The following MEGF11 variants were observed in gnomAD, a reference collection of about 807,000 sequenced individuals.
The protein encoded by MEGF11 is multiple epidermal growth factor-like domains protein 11.
In MEGF11, 126 loss-of-function variants were observed where a neutral mutation model predicts 146.6. The ratio of observed to expected loss-of-function variants is 0.86; its 90% confidence interval spans 0.74 to 1.00. The LOEUF (loss-of-function observed/expected upper bound fraction) is 1.00, where lower values mean the gene tolerates loss of function less well. MEGF11 is among the 50% of genes least tolerant of loss of function. The probability of loss-of-function intolerance (pLI) is 0.00; values close to 1 mark genes in which losing one functional copy is unlikely to be tolerated. For missense variants in MEGF11, 1,509 were observed against 1,521.2 expected (o/e 0.99, Z 0.13); for synonymous variants, 532 against 583.4 (o/e 0.91, Z 1.27).
At position 66,053,739 on chromosome 15, in the gene MEGF11, T is replaced by A. The variant is rs868252608; in HGVS notation, c.394+40663A>T. 8.3e-3 allele frequency among the ~76,000 whole-genome samples: 1,174 copies of A among 141,590 alleles called. 7 individuals carry two copies. Among genetic ancestry groups the A allele is most frequent in the African/African-American group, 0.03 (1,094 of 36,820 alleles). The allele number at this position is 141,590 out of a possible 152,430, so 92.9% of individuals were successfully genotyped here. On this transcript the variant is annotated intron_variant, in intron 5 of 25. Coordinates refer to ENST00000395614, the MANE Select transcript of MEGF11 (RefSeq NM_001385028.1). ...AATTTTTTTTTTTTTTTTTTTTTTT[T>A]TTTTTTGAGACAAGGTCTCACTCTG...
chr15:66,120,718 C>T (rs1597103236), intron 3 of MEGF11, among the ~76,000 whole-genome samples: 1 of 152,336 alleles, frequency 6.6e-6, no homozygotes, highest in South Asian at 2.1e-4. Flanking sequence ...AGCTACTTCC[C>T]TAGCACAGAA....
At chr15:66,066,935 G>A (rs757600359) in intron 5 of MEGF11, among the ~76,000 whole-genome samples, 44 of 152,200 alleles carry the variant, frequency 2.9e-4, no homozygotes, top group Admixed American at 2.6e-4. Flanking sequence ...ATTGATTCCA[G>A]TTCTCCTCCG....
At chr15:65,934,091 G>A (rs976186996) in intron 10 of MEGF11, among the ~76,000 whole-genome samples, 3 of 152,172 alleles carry the variant, frequency 2.0e-5, no homozygotes, top group African/African-American at 7.2e-5. Flanking sequence ...CTACAGGTAT[G>A]GTCTTGGAGG....
chr15:65,909,739 C>T lies in MEGF11; in HGVS notation c.2896+1G>A, dbSNP rs1484881474. The T allele has an allele frequency of 6.3e-7, 1 of 1,574,814 alleles. No homozygotes were observed. The highest frequency in any genetic ancestry group is 2.3e-5 in the East Asian group (1 of 43,550). On this transcript the variant is annotated splice_donor_variant, in intron 22 of 25. Coordinates refer to ENST00000395614, the MANE Select transcript of MEGF11 (RefSeq NM_001385028.1). LOFTEE classifies it high-confidence loss of function. ...GGGACCAGACTCACACCACTACTGA[C>T]CTAACACGTTCACATAGCTGTAGGG...
intron 1 of MEGF11, among the ~76,000 whole-genome samples, chr15:66,224,966 C>T (rs533361453): frequency 1.3e-5 from 2 of 152,224 alleles, no homozygotes; most frequent in East Asian, 3.9e-4. Flanking sequence ...AGCCCAAGCA[C>T]GCCAGCCCCT....
Position 66,113,274 on chromosome 15 carries a change from G to A in MEGF11, c.301+5812C>T, listed in dbSNP as rs548939133. On this transcript the variant is annotated intron_variant, in intron 4 of 25. Transcript: ENST00000395614. ...ACAACCTATGCTCCCCAAGCCAGCC[G>A]GGCCCATCAGCTGCATACGTGCCTG... 1.2e-4 allele frequency among the ~76,000 whole-genome samples: 18 copies of A among 152,208 alleles called. No individual in the cohort carries two copies. In the South Asian group the frequency reaches 3.5e-3, roughly 30 times the overall value.
intron 5 of MEGF11, among the ~76,000 whole-genome samples, chr15:65,992,481 C>T (rs116619160): frequency 1.9e-3 from 281 of 150,432 alleles, no homozygotes; most frequent in African/African-American, 6.6e-3. Context: ...TCCTGAGGCA[C>T]TATCAGCCAT....
chr15:66,128,237 C>A, intron 2 of MEGF11, 69 bp downstream of exon 2: 1 of 1,056,630 alleles, frequency 9.5e-7, no homozygotes, highest in Non-Finnish European at 1.3e-6. Flanking sequence ...CTGACTGCCT[C>A]TGTCCCCTAC....
intron 15 of MEGF11, among the ~76,000 whole-genome samples, chr15:65,919,251 T>A (rs1374766318): frequency 6.6e-6 from 1 of 152,198 alleles, no homozygotes; most frequent in African/African-American, 2.4e-5. Context: ...GTCCAAAGCC[T>A]TGGATTTAGG....
intron 1 of MEGF11, among the ~76,000 whole-genome samples, chr15:66,248,231 C>T (rs528738818): frequency 2.6e-4 from 40 of 152,246 alleles, no homozygotes; most frequent in South Asian, 1.7e-3. Flanking sequence ...GAAAAGCATC[C>T]GGATCTTTCA....
At chr15:65,927,863 C>T (rs188468964) in intron 13 of MEGF11, among the ~76,000 whole-genome samples, 1 of 152,224 alleles carries the variant, frequency 6.6e-6, no homozygotes, top group African/African-American at 2.4e-5. Flanking sequence ...ATGTAAGAGT[C>T]GTGGGAAGCC....
intron 1 of MEGF11, among the ~76,000 whole-genome samples, chr15:66,133,782 T>TAA (rs769724585): frequency 6.6e-6 from 1 of 150,980 alleles, no homozygotes; most frequent in Admixed American, 6.6e-5. Context: ...TTCCTGTACT[T>TAA]AAAAAAAAAG....
At position 65,930,690 on chromosome 15, in the gene MEGF11, C is replaced by G. The variant is rs993720541; in HGVS notation, c.1408+133G>C. The G allele has an allele frequency of 1.7e-5, 20 of 1,149,780 alleles. No individual in the cohort carries two copies. In the East Asian group the frequency reaches 5.3e-4, roughly 31 times the overall value. 71.2% of individuals were successfully genotyped at this position (1,149,780 alleles called of 1,614,324 possible). A position where few individuals can be genotyped will look rare whatever the true frequency, so the allele number is the denominator to read the frequency against. ...TGGGTTTTCTTGCCTGGAACCCAACCAATATAGGCTCCCTGACCTTGCATG... is the reference window on the plus strand; with the variant it reads ...TGGGTTTTCTTGCCTGGAACCCAACGAATATAGGCTCCCTGACCTTGCATG... On this transcript the variant is annotated intron_variant, in intron 11 of 25. Transcript: ENST00000395614.
At chr15:65,951,980 C>T (rs1173836436) in intron 10 of MEGF11, among the ~76,000 whole-genome samples, 1 of 151,876 alleles carries the variant, frequency 6.6e-6, no homozygotes, top group Non-Finnish European at 1.5e-5. Flanking sequence ...ACAGCCTGGG[C>T]AATAGAACGA....
intron 5 of MEGF11, among the ~76,000 whole-genome samples, chr15:66,066,986 T>C (rs891602572): frequency 6.6e-6 from 1 of 152,230 alleles, no homozygotes; most frequent in African/African-American, 2.4e-5. Context: ...CTAATCTGCC[T>C]GCGCCCAGCT....
At chr15:66,246,584 C>T (rs1400297315) in intron 1 of MEGF11, among the ~76,000 whole-genome samples, 4 of 151,964 alleles carry the variant, frequency 2.6e-5, no homozygotes, top group African/African-American at 4.8e-5. Flanking sequence ...GGGTGCATTG[C>T]TTGAGCCCAG....
At chr15:66,037,286 C>T (rs1254418101) in intron 5 of MEGF11, among the ~76,000 whole-genome samples, 1 of 152,212 alleles carries the variant, frequency 6.6e-6, no homozygotes, top group African/African-American at 2.4e-5. Flanking sequence ...TACCATGAGT[C>T]AATGAACCAA....
chr15:66,116,216 G>C (rs2087722391), intron 4 of MEGF11, among the ~76,000 whole-genome samples: 1 of 152,186 alleles, frequency 6.6e-6, no homozygotes, highest in Non-Finnish European at 1.5e-5. Context: ...TGCCGCGCTT[G>C]ACTGTCTCTG....
intron 1 of MEGF11, among the ~76,000 whole-genome samples, chr15:66,183,826 G>A (rs769324911): frequency 7.9e-5 from 12 of 152,144 alleles, no homozygotes; most frequent in Non-Finnish European, 1.6e-4. Context: ...TGCAGATGCC[G>A]CAGTCCCATG....
Sources: gnomAD v4.1 joint callset for allele counts (sites outside exome capture counted in the v4.1 genomes callset) on GRCh38, gnomAD v4.1.1 for gene constraint, MANE v1.5 for transcripts, NCBI Gene and HGNC (gene_info 2026-07-23, HGNC 2026-07-21) for gene names.